Variants in MSRA observed in about 807,000 individuals in gnomAD.
MSRA encodes the protein mitochondrial peptide methionine sulfoxide reductase.
A neutral mutation model predicts 31.3 loss-of-function variants in MSRA; 54 were observed. The ratio of observed to expected loss-of-function variants is 1.73; its 90% CI spans 1.39 to 2.17. MSRA has a LOEUF of 2.17. Among genes scored for constraint, MSRA ranks in the 30% most tolerant of loss-of-function variants. MSRA has a pLI of 0.00. For missense variants in MSRA, 507 were observed against 300.9 expected (o/e 1.69, Z -5.07); for synonymous variants, 169 against 116.5 (o/e 1.45, Z -2.90).
chr8:10,425,574 G>A (rs1183568381), intron 5 of MSRA, among the ~76,000 whole-genome samples: 1 of 152,374 alleles, frequency 6.6e-6, no homozygotes, highest in East Asian at 1.9e-4. Flanking sequence ...TAGGAGGACA[G>A]GGAAGAGGGT....
chr8:10,422,900 C>A (rs1396495656), intron 5 of MSRA, among the ~76,000 whole-genome samples: 3 of 152,232 alleles, frequency 2.0e-5, no homozygotes, highest in Non-Finnish European at 4.4e-5. Flanking sequence ...ACTCATTCTC[C>A]ATCCCCAAAA....
chr8:10,219,052 G>A (rs1563231679), intron 2 of MSRA, among the ~76,000 whole-genome samples: 1 of 152,176 alleles, frequency 6.6e-6, no homozygotes, highest in Non-Finnish European at 1.5e-5. Flanking sequence ...CAGTAGCTCA[G>A]GTTTAAAAAA....
intron 5 of MSRA, among the ~76,000 whole-genome samples, chr8:10,425,704 T>C (rs1412601976): frequency 1.3e-5 from 2 of 152,190 alleles, no homozygotes; most frequent in Non-Finnish European, 2.9e-5. Flanking sequence ...CAGCAGGCGG[T>C]GTCAGCCGCG....
chr8:10,089,350 T>A (rs1798745102), intron 1 of MSRA, among the ~76,000 whole-genome samples: 1 of 152,258 alleles, frequency 6.6e-6, no homozygotes, highest in Non-Finnish European at 1.5e-5. Context: ...TATTTCCCTT[T>A]TTGTGTTCAT....
At chr8:10,104,567 A>C (rs2128935534) in intron 1 of MSRA, among the ~76,000 whole-genome samples, 1 of 152,320 alleles carries the variant, frequency 6.6e-6, no homozygotes, top group East Asian at 1.9e-4. Flanking sequence ...ATCCTCAATA[A>C]GAAGGAATGG....
At chr8:10,424,958 G>A (rs950250259) in intron 5 of MSRA, among the ~76,000 whole-genome samples, 3 of 152,254 alleles carry the variant, frequency 2.0e-5, no homozygotes, top group African/African-American at 7.2e-5. Flanking sequence ...ATCAAGACGT[G>A]AATCTGAACA....
chr8:10,151,421 A>G (rs1803666411), intron 1 of MSRA, among the ~76,000 whole-genome samples: 1 of 152,100 alleles, frequency 6.6e-6, no homozygotes, highest in Non-Finnish European at 1.5e-5. Context: ...AGGTGGGCGG[A>G]TCATGAGGTC....
At chr8:10,163,328 G>A (rs117807697) in intron 1 of MSRA, among the ~76,000 whole-genome samples, 370 of 152,354 alleles carry the variant, frequency 2.4e-3, no homozygotes, top group Non-Finnish European at 3.9e-3. Flanking sequence ...GACATGTCAT[G>A]GTGGCCGGTC....
chr8:10,301,475 A>G (rs1057257022), intron 3 of MSRA, 59 bp from the exon 4 acceptor site: 7 of 1,346,220 alleles, frequency 5.2e-6, no homozygotes, highest in Non-Finnish European at 7.4e-6. Context: ...GTGAACAAAA[A>G]ACTTGCAATA....
chr8:10,221,436 G>GTATATA (rs201045996), intron 2 of MSRA, among the ~76,000 whole-genome samples: 18 of 138,870 alleles, frequency 1.3e-4, no homozygotes, highest in Non-Finnish European at 2.1e-4. Flanking sequence ...GTATATATGT[G>GTATATA]TATATATACA....
At chr8:10,092,200 C>G (rs974553574) in intron 1 of MSRA, among the ~76,000 whole-genome samples, 11 of 152,048 alleles carry the variant, frequency 7.2e-5, no homozygotes, top group African/African-American at 2.7e-4. Context: ...TATTTAATTT[C>G]CATATATTTG....
chr8:10,070,313 C>T (rs190790560), intron 1 of MSRA, among the ~76,000 whole-genome samples: 1 of 152,290 alleles, frequency 6.6e-6, no homozygotes, highest in Admixed American at 6.5e-5. Context: ...CTGGAGTCAC[C>T]TAGTCACATT....
At chr8:10,225,359 A>G (rs1204609386) in intron 2 of MSRA, among the ~76,000 whole-genome samples, 1 of 152,060 alleles carries the variant, frequency 6.6e-6, no homozygotes, top group African/African-American at 2.4e-5. Flanking sequence ...ATGATTAGAG[A>G]TTGAATGGAT....
At chr8:10,080,347 A>G (rs1479382495) in intron 1 of MSRA, among the ~76,000 whole-genome samples, 2 of 150,244 alleles carry the variant, frequency 1.3e-5, no homozygotes, top group African/African-American at 2.5e-5. Context: ...AATTTCTTAC[A>G]GAGACCAACC....
At chr8:10,244,963 A>G (rs889133646) in intron 2 of MSRA, 141 bp from the exon 3 acceptor site, 8 of 587,796 alleles carry the variant, frequency 1.4e-5, no homozygotes, top group African/African-American at 1.1e-4. Context: ...TCTTTAAAAG[A>G]TAAAATCTTA....
At chr8:10,138,159 T>C (rs1408437358) in intron 1 of MSRA, among the ~76,000 whole-genome samples, 2 of 152,192 alleles carry the variant, frequency 1.3e-5, no homozygotes, top group Non-Finnish European at 2.9e-5. Context: ...TGGAGAATGT[T>C]GAGAGAGGCG....
chr8:10,241,484 G>A (rs899572148), intron 2 of MSRA, among the ~76,000 whole-genome samples: 1 of 152,150 alleles, frequency 6.6e-6, no homozygotes, highest in Non-Finnish European at 1.5e-5. Flanking sequence ...TAGCAAGTTC[G>A]TCATCTTGAA....
chr8:10,410,301 G>A (rs1215907019), intron 5 of MSRA, among the ~76,000 whole-genome samples: 1 of 152,184 alleles, frequency 6.6e-6, no homozygotes, highest in Non-Finnish European at 1.5e-5. Flanking sequence ...TGGGTGGCCT[G>A]TGAAAAACCC....
intron 2 of MSRA, among the ~76,000 whole-genome samples, chr8:10,210,909 T>A (rs539552738): frequency 4.9e-4 from 75 of 151,664 alleles, no homozygotes; most frequent in African/African-American, 1.8e-3. Context: ...TTTTTTTTTT[T>A]ATTTTTAGTA....
Sources: allele counts gnomAD v4.1 joint callset (sites outside exome capture counted in the v4.1 genomes callset), GRCh38; gene constraint gnomAD v4.1.1; transcripts MANE v1.5; gene names NCBI Gene and HGNC (gene_info 2026-07-23, HGNC 2026-07-21).